Variants in EVA1C observed in about 807,000 individuals in gnomAD.
The protein encoded by EVA1C is protein eva-1 homolog C.
In EVA1C, 25 loss-of-function variants were observed where a neutral mutation model predicts 45.4. That is an observed-to-expected ratio of 0.55 (90% confidence interval 0.40 to 0.77). The LOEUF is 0.77. EVA1C is among the 30% of genes least tolerant of loss of function. The pLI, the probability that EVA1C is intolerant of heterozygous loss-of-function variation, is 0.00. For synonymous variants in EVA1C, 190 were observed against 221.2 expected (o/e 0.86, Z 1.25); for missense variants, 479 against 554.8 (o/e 0.86, Z 1.37).
chr21:32,473,821 T>A (rs9305504), intron 4 of EVA1C: 254,220 of 654,234 alleles, frequency 0.39, 51,157 homozygotes, highest in African/African-American at 0.58. Flanking sequence ...CTTAGCACTG[T>A]CCTGAACGGT....
At position 32,457,620 on chromosome 21, in the gene EVA1C, C is replaced by T; in HGVS notation, c.381C>T (p.Asn127=). Residue 127 remains asparagine (N), a synonymous_variant, in exon 3 of 8, where the codon AAC becomes AAT. Coordinates refer to ENST00000300255, the MANE Select transcript of EVA1C (RefSeq NM_058187.5). ...AGAAGGTGCTGGACGAATGCCAGAACCAGCGGGCCTGCCACCTCCTGGTCA... is the reference window on the plus strand; with the variant it reads ...AGAAGGTGCTGGACGAATGCCAGAATCAGCGGGCCTGCCACCTCCTGGTCA... ...TFQKVLDECQ[N]QRACHLLVNS... 3 of 1,614,198 alleles carry T rather than the reference C, an allele frequency of 1.9e-6. No individual in the cohort carries two copies. The highest frequency in any genetic ancestry group is 2.5e-6 in the Non-Finnish European group (3 of 1,180,022).
chr21:32,446,740 C>T (rs1037707145), intron 1 of EVA1C, among the ~76,000 whole-genome samples: 16 of 152,186 alleles, frequency 1.1e-4, no homozygotes, highest in Admixed American at 2.0e-4. Context: ...TCCTGGGAGA[C>T]GCCTGGTCCA....
chr21:32,413,109 T>C (rs1020919028), intron 1 of EVA1C, 96 bp downstream of exon 1: 22 of 1,116,636 alleles, frequency 2.0e-5, no homozygotes, highest in Admixed American at 4.2e-5. Context: ...CACGGCGGGG[T>C]AGGATTAAAG....
At chr21:32,414,937 C>T (rs1262099245) in intron 1 of EVA1C, among the ~76,000 whole-genome samples, 1 of 152,100 alleles carries the variant, frequency 6.6e-6, no homozygotes, top group Non-Finnish European at 1.5e-5. Flanking sequence ...AAATTTAAAC[C>T]TTAATTCTAT....
At chr21:32,437,170 A>G (rs1232798789) in intron 1 of EVA1C, among the ~76,000 whole-genome samples, 1 of 152,242 alleles carries the variant, frequency 6.6e-6, no homozygotes, top group Non-Finnish European at 1.5e-5. Context: ...AAAACAAAAC[A>G]AAACAAAACA....
intron 4 of EVA1C, among the ~76,000 whole-genome samples, chr21:32,492,038 C>A (rs1278922980): frequency 6.6e-6 from 1 of 151,998 alleles, no homozygotes; most frequent in Non-Finnish European, 1.5e-5. Flanking sequence ...TTTTGCAGGG[C>A]CCTGTGCAAA....
At chr21:32,490,021 C>T (rs1458571668) in intron 4 of EVA1C, among the ~76,000 whole-genome samples, 1 of 152,120 alleles carries the variant, frequency 6.6e-6, no homozygotes, top group African/African-American at 2.4e-5. Context: ...CCAGGCTGGT[C>T]TTGAACTCCT....
At chr21:32,455,416 G>A (rs1213328421) in intron 2 of EVA1C, among the ~76,000 whole-genome samples, 1 of 152,160 alleles carries the variant, frequency 6.6e-6, no homozygotes, top group Non-Finnish European at 1.5e-5. Flanking sequence ...CACTGTTACT[G>A]TTAAAGCAGC....
chr21:32,514,860 C>T lies in EVA1C; in HGVS notation c.996C>T (p.Ile332=), dbSNP rs756898034. 19 of 1,604,004 alleles carry T rather than the reference C, an allele frequency of 1.2e-5. No homozygotes were observed. Among genetic ancestry groups the T allele is most frequent in the South Asian group, 2.2e-5 (2 of 89,830 alleles). The change falls in exon 8 of 8, where the codon ATC becomes ATT. Residue 332 remains isoleucine (I), a synonymous_variant. Transcript: ENST00000300255. ...AALLFVSSVC[I]GLALTLCALV... ...TGCTGTTCGTGTCCAGTGTCTGCAT[C>T]GGCCTGGCCCTCACACTGTGCGCCC...
intron 4 of EVA1C, among the ~76,000 whole-genome samples, chr21:32,483,157 C>A (rs1040898284): frequency 2.0e-5 from 3 of 152,134 alleles, no homozygotes; most frequent in Non-Finnish European, 4.4e-5. Flanking sequence ...CCACGCCCGG[C>A]CCTCCCTGCC....
rs150473721 is a variant in EVA1C at position 32,460,838 on chromosome 21, C to T, written c.481+3118C>T. Reference sequence around the variant, plus strand: ...TTGGCTCACTGCAACCTCTGCCTCCCGGTTTCAAGCGATTCTCCTGCCTCA... The same window carrying T: ...TTGGCTCACTGCAACCTCTGCCTCCTGGTTTCAAGCGATTCTCCTGCCTCA... On this transcript the variant is annotated intron_variant, in intron 3 of 7. Coordinates refer to ENST00000300255, the MANE Select transcript of EVA1C (RefSeq NM_058187.5). Among the ~76,000 whole-genome samples, 9 of 151,856 alleles carry T rather than the reference C, an allele frequency of 5.9e-5. 1 individual carries two copies. In the South Asian group the frequency reaches 1.0e-3, roughly 18 times the overall value.
At chr21:32,433,558 G>A (rs1168914318) in intron 1 of EVA1C, among the ~76,000 whole-genome samples, 1 of 152,208 alleles carries the variant, frequency 6.6e-6, no homozygotes, top group Non-Finnish European at 1.5e-5. Context: ...ACATCGCGTT[G>A]TTGTGGAGAT....
rs1214927978 is a variant in EVA1C at position 32,467,725 on chromosome 21, G to T, written c.511G>T (p.Asp171Tyr). The T allele has an allele frequency of 6.2e-7, 1 of 1,609,994 alleles. No individual in the cohort carries two copies. The highest frequency in any genetic ancestry group is 8.5e-7 in the Non-Finnish European group (1 of 1,178,512). ...ATTAAAAAACAAAACCGTGTGTGAA[G>T]ACCAGGAGCTGAAACTGCACTGCCA... is the stretch of plus-strand genomic sequence containing the variant. ...NELKNKTVCE[D>Y]QELKLHCHES... The change falls in exon 4 of 8, where the codon GAC becomes TAC. Residue 171 changes from aspartate (D) to tyrosine (Y), a missense_variant. By Grantham distance (160) the Asp-to-Tyr change is radical. Coordinates refer to ENST00000300255, the MANE Select transcript of EVA1C (RefSeq NM_058187.5).
At chr21:32,439,891 C>T (rs1330499538) in intron 1 of EVA1C, among the ~76,000 whole-genome samples, 1 of 152,068 alleles carries the variant, frequency 6.6e-6, no homozygotes, top group Non-Finnish European at 1.5e-5. Context: ...GTGAAATTAC[C>T]ATATAATCTT....
rs2036503826 is a variant in EVA1C at position 32,474,992 on chromosome 21, G to A, written c.634+7144G>A. Among the ~76,000 whole-genome samples, 1 of 152,230 alleles carries A rather than the reference G, an allele frequency of 6.6e-6. No homozygotes were observed. The highest frequency in any genetic ancestry group is 1.5e-5 in the Non-Finnish European group (1 of 68,042). On this transcript the variant is annotated intron_variant, in intron 4 of 7. Transcript: ENST00000300255. The surrounding 1 kb of genome is among the most constrained non-coding windows in gnomAD (Gnocchi z 4.4). ...TGCAGCTCAGCCTCGCTGCTTTCAA[G>A]GGGAAAAGGGTCTTTATCCTTAACC...
chr21:32,457,542 G>T (rs1487549848), intron 2 of EVA1C, 55 bp from the exon 3 acceptor site: 2 of 1,611,578 alleles, frequency 1.2e-6, no homozygotes, highest in Non-Finnish European at 8.5e-7. Flanking sequence ...GTTCGGGTCT[G>T]GCAGTCACTG....
intron 4 of EVA1C, among the ~76,000 whole-genome samples, chr21:32,482,299 C>T (rs1413168653): frequency 6.6e-6 from 1 of 152,194 alleles, no homozygotes; most frequent in Non-Finnish European, 1.5e-5. Context: ...GGCTTACCTT[C>T]TGCAGTTGCC....
chr21:32,487,733 A>G (rs1333271487), intron 4 of EVA1C, among the ~76,000 whole-genome samples: 11 of 151,574 alleles, frequency 7.3e-5, no homozygotes, highest in South Asian at 6.2e-4. Flanking sequence ...AAAAAAAAAA[A>G]AGAGAGAGTA....
chr21:32,476,999 T>C (rs1016175762), intron 4 of EVA1C, among the ~76,000 whole-genome samples: 1 of 152,090 alleles, frequency 6.6e-6, no homozygotes, highest in African/African-American at 2.4e-5. Flanking sequence ...CCCACTCTGC[T>C]ATTGAACAGA....
Sources: gnomAD v4.1 joint callset for allele counts (sites outside exome capture counted in the v4.1 genomes callset) on GRCh38, gnomAD v4.1.1 for gene constraint, Gnocchi (gnomAD v3.1) non-coding constraint, MANE v1.5 for transcripts, NCBI Gene and HGNC (gene_info 2026-07-23, HGNC 2026-07-21) for gene names.